The following GPHN variants were observed in gnomAD, a reference collection of about 807,000 sequenced individuals.
The protein encoded by GPHN is gephyrin.
A neutral mutation model predicts 95.5 loss-of-function variants in GPHN; 17 were observed. That is an observed-to-expected ratio of 0.18 (90% CI 0.12 to 0.27). The LOEUF (loss-of-function observed/expected upper bound fraction) is 0.27, where lower values mean the gene tolerates loss of function less well. GPHN is among the 10% of genes least tolerant of loss of function. The pLI, the probability that GPHN is intolerant of heterozygous loss-of-function variation, is 1.00. For missense variants in GPHN, 660 were observed against 978.1 expected (o/e 0.67, Z 4.34); for synonymous variants, 320 against 322.5 (o/e 0.99, Z 0.08).
chr14:67,539,978 T>C, the GPHN span, among the ~76,000 whole-genome samples: 3 of 152,124 alleles, frequency 2.0e-5, no homozygotes, highest in Non-Finnish European at 4.4e-5. Flanking sequence ...AGAAGCACGA[T>C]TGGTGATTAG....
chr14:67,688,063 G>A, the GPHN span, among the ~76,000 whole-genome samples: 4 of 151,858 alleles, frequency 2.6e-5, no homozygotes, highest in Non-Finnish European at 5.9e-5. Flanking sequence ...GTGAGCCACC[G>A]CGCCCGGCCT....
At chr14:66,601,793 C>G (rs905793926) in intron 1 of GPHN, among the ~76,000 whole-genome samples, 1 of 151,790 alleles carries the variant, frequency 6.6e-6, no homozygotes, top group Non-Finnish European at 1.5e-5. Flanking sequence ...TTAAAAATTG[C>G]TGAAATACAA....
chr14:67,356,762 T>C, the GPHN span, among the ~76,000 whole-genome samples: 1 of 152,230 alleles, frequency 6.6e-6, no homozygotes, highest in South Asian at 2.1e-4. Flanking sequence ...TGGCTGACTC[T>C]GCACTGACTG....
At chr14:67,731,819 G>T in the GPHN span, among the ~76,000 whole-genome samples, 1 of 151,816 alleles carries the variant, frequency 6.6e-6, no homozygotes, top group Non-Finnish European at 1.5e-5. Flanking sequence ...TTTTATTCTA[G>T]GTGTTTTTTT....
At chr14:67,729,054 A>G in the GPHN span, 1 of 874,928 alleles carries the variant, frequency 1.1e-6, no homozygotes, top group African/African-American at 1.6e-5. Context: ...CCGCCTGGCC[A>G]GGAGTGGTAC....
chr14:67,354,530 T>C, the GPHN span, among the ~76,000 whole-genome samples: 1 of 152,184 alleles, frequency 6.6e-6, no homozygotes, highest in Non-Finnish European at 1.5e-5. Context: ...TACTCCAGCC[T>C]TATGGTAATA....
chr14:66,961,836 C>A (rs553398152), intron 8 of GPHN, among the ~76,000 whole-genome samples: 1 of 137,532 alleles, frequency 7.3e-6, no homozygotes, highest in Non-Finnish European at 1.6e-5. Flanking sequence ...TTGGCTTAAC[C>A]AACTTAGAAA....
chr14:67,634,825 G>A, the GPHN span, among the ~76,000 whole-genome samples: 1 of 152,198 alleles, frequency 6.6e-6, no homozygotes, highest in Non-Finnish European at 1.5e-5. Flanking sequence ...TTTAACCTTT[G>A]AATAAATTTA....
chr14:66,647,483 C>T (rs1237830881), intron 1 of GPHN, among the ~76,000 whole-genome samples: 1 of 151,516 alleles, frequency 6.6e-6, no homozygotes, highest in East Asian at 1.9e-4. Flanking sequence ...GTAGTCCCTC[C>T]TTTTCTGCAA....
At chr14:66,633,542 G>C (rs916405219) in intron 1 of GPHN, among the ~76,000 whole-genome samples, 1 of 151,996 alleles carries the variant, frequency 6.6e-6, no homozygotes, top group African/African-American at 2.4e-5. Context: ...TTTTATTGCT[G>C]AATAGTATTC....
chr14:66,578,958 A>G (rs151286023), intron 1 of GPHN, among the ~76,000 whole-genome samples: 1 of 152,012 alleles, frequency 6.6e-6, no homozygotes, highest in African/African-American at 2.4e-5. Flanking sequence ...GTGGTGTGTA[A>G]ATCAATTATA....
the GPHN span, among the ~76,000 whole-genome samples, chr14:67,357,218 T>C: frequency 2.0e-5 from 3 of 152,256 alleles, no homozygotes; most frequent in African/African-American, 7.2e-5. Flanking sequence ...AGAATAATAC[T>C]GTTGAATGGA....
chr14:67,597,935 C>T, the GPHN span, among the ~76,000 whole-genome samples: 1 of 152,078 alleles, frequency 6.6e-6, no homozygotes, highest in Non-Finnish European at 1.5e-5. Context: ...TTTAATAGAA[C>T]TGTGAACTCA....
At chr14:67,030,381 C>G (rs989836501) in intron 10 of GPHN, among the ~76,000 whole-genome samples, 3 of 152,128 alleles carry the variant, frequency 2.0e-5, no homozygotes, top group African/African-American at 7.2e-5. Context: ...CTAAACCTAT[C>G]ATACTCCTTT....
intron 18 of GPHN, among the ~76,000 whole-genome samples, chr14:67,155,059 A>G (rs187800258): frequency 3.3e-4 from 50 of 152,320 alleles, no homozygotes; most frequent in South Asian, 1.7e-3. Flanking sequence ...GAAGCCAAGC[A>G]TAAAAAAGAG....
At chr14:67,002,819 GGT>G (rs2072329897) in intron 9 of GPHN, among the ~76,000 whole-genome samples, 1 of 151,362 alleles carries the variant, frequency 6.6e-6, no homozygotes, top group South Asian at 2.1e-4. Flanking sequence ...AAGGTCCAAA[GGT>G]AAAGTTATTT....
At chr14:66,698,421 G>A (rs1177362553) in intron 2 of GPHN, among the ~76,000 whole-genome samples, 1 of 152,138 alleles carries the variant, frequency 6.6e-6, no homozygotes, top group Non-Finnish European at 1.5e-5. Flanking sequence ...TATATGTTCA[G>A]TGAATGTAAA....
Position 66,612,128 on chromosome 14 carries a change from CCTTT to C in GPHN, c.65-68975_65-68972del, listed in dbSNP as rs574589479. ...ACATTGTTTTATTTCTCTGAAATGG[CCTTT>C]CTTCAGTTTTGCATGCCTAAACTCT... On this transcript the variant is annotated intron_variant, in intron 1 of 22. Coordinates refer to ENST00000478722, the MANE Select transcript of GPHN (RefSeq NM_020806.5). Among the ~76,000 whole-genome samples, 81 of 152,038 alleles carry C rather than the reference CCTTT, an allele frequency of 5.3e-4. 1 individual carries two copies. The highest frequency in any genetic ancestry group is 1.8e-3 in the African/African-American group (76 of 41,506).
At chr14:67,573,506 G>C in the GPHN span, 1 of 708,880 alleles carries the variant, frequency 1.4e-6, no homozygotes, top group Non-Finnish European at 2.4e-6. This position sits in a 1 kb window ranked among gnomAD's most constrained non-coding sequence, Gnocchi z 4.8. Context: ...GGTCTGGCAG[G>C]TGGGGAGAGG....
Sources: allele counts gnomAD v4.1 joint callset (sites outside exome capture counted in the v4.1 genomes callset), GRCh38; gene constraint gnomAD v4.1.1; non-coding constraint Gnocchi (gnomAD v3.1); transcripts MANE v1.5; gene names NCBI Gene and HGNC (gene_info 2026-07-23, HGNC 2026-07-21).